The following SH3BP4 variants were observed in gnomAD, a reference collection of about 807,000 sequenced individuals.
SH3BP4 encodes the protein SH3 domain binding protein 4.
Under a neutral mutation model 65.5 loss-of-function variants are expected in SH3BP4, and 33 were observed. The observed-to-expected ratio is 0.50, with a 90% CI of 0.38 to 0.67. The LOEUF (loss-of-function observed/expected upper bound fraction) is 0.67, where lower values mean the gene tolerates loss of function less well. Among genes scored for constraint, SH3BP4 ranks in the 30% least tolerant of loss-of-function variants. The probability of loss-of-function intolerance (pLI) is 0.00; values close to 1 mark genes in which losing one functional copy is unlikely to be tolerated. For missense variants in SH3BP4, 1,134 were observed against 1,261.4 expected, an observed-to-expected ratio of 0.90 and a Z score of 1.53; for synonymous variants, 552 against 545.5, an observed-to-expected ratio of 1.01 and a Z score of -0.17.
chr2:235,008,262 GC>G (rs1694364968), intron 2 of SH3BP4, among the ~76,000 whole-genome samples: 1 of 152,170 alleles, frequency 6.6e-6, no homozygotes, highest in Non-Finnish European at 1.5e-5. Context: ...CCAGCCTGAA[GC>G]CCTGGGTTGG....
At chr2:235,017,650 T>C (rs886994434) in intron 2 of SH3BP4, among the ~76,000 whole-genome samples, 1 of 152,102 alleles carries the variant, frequency 6.6e-6, no homozygotes. Context: ...AGCATTGATA[T>C]TTCTGCACAC....
chr2:235,043,260 C>T lies in SH3BP4; in HGVS notation c.2478+13C>T. The T allele has an allele frequency of 6.5e-7, 1 of 1,546,866 alleles. No individual in the cohort carries two copies. Among genetic ancestry groups the T allele is most frequent in the Admixed American group, 1.9e-5 (1 of 52,116 alleles). On this transcript the variant is annotated intron_variant, in intron 4 of 5. Coordinates refer to ENST00000392011, the MANE Select transcript of SH3BP4 (RefSeq NM_014521.3). ...GGAGCTTGTGATGGTGAGTGCTCAG[C>T]AGGTGCCTGGGCGTTCAGGGGTGCT...
At chr2:235,012,344 C>T (rs1694536533) in intron 2 of SH3BP4, among the ~76,000 whole-genome samples, 1 of 152,238 alleles carries the variant, frequency 6.6e-6, no homozygotes, top group Non-Finnish European at 1.5e-5. Flanking sequence ...GACCAGGCTC[C>T]ACTTACACAG....
At chr2:234,985,245 C>T (rs1461775290) in intron 1 of SH3BP4, among the ~76,000 whole-genome samples, 2 of 152,286 alleles carry the variant, frequency 1.3e-5, no homozygotes, top group East Asian at 3.9e-4. Context: ...TGGCTGTCCC[C>T]TGGGAGTCAT....
Position 234,997,919 on chromosome 2 carries a change from A to G in SH3BP4, c.-133+2543A>G, listed in dbSNP as rs981200619. ...GGGCGGATCACGAGATCAGGAGATC[A>G]AGACCATCCTGTCTAACACGGTGAA... On this transcript the variant is annotated intron_variant, in intron 2 of 5. Transcript: ENST00000392011. This position sits in a 1 kb window ranked among gnomAD's most constrained non-coding sequence, Gnocchi z 4.2. 2.0e-5 allele frequency among the ~76,000 whole-genome samples: 3 copies of G among 152,106 alleles called. No homozygotes were observed. The highest frequency in any genetic ancestry group is 4.8e-5 in the African/African-American group (2 of 41,416).
At chr2:235,044,593 C>T (rs1283145278) in intron 4 of SH3BP4, among the ~76,000 whole-genome samples, 1 of 152,254 alleles carries the variant, frequency 6.6e-6, no homozygotes, top group Non-Finnish European at 1.5e-5. Context: ...TCTGAGCCCG[C>T]AGGCTTTCTT....
In SH3BP4 at chr2:235,052,448, C is replaced by T; in HGVS notation, c.2479-114C>T. On this transcript the variant is annotated intron_variant, in intron 4 of 5. Transcript: ENST00000392011. The surrounding 1 kb of genome is among the most constrained non-coding windows in gnomAD (Gnocchi z 5.0). ...GGACATTTGGTAGTAGGCCAGGGAA[C>T]ATGGAGAATAGAGAGCCCATGGCCA... The T allele has an allele frequency of 2.7e-6, 2 of 750,934 alleles. No individual in the cohort carries two copies. The highest frequency in any genetic ancestry group is 2.1e-6 in the Non-Finnish European group (1 of 482,670). 46.5% of individuals were successfully genotyped at this position (750,934 alleles called of 1,614,324 possible). A position where few individuals can be genotyped will look rare whatever the true frequency, so the allele number is the denominator to read the frequency against.
intron 1 of SH3BP4, among the ~76,000 whole-genome samples, chr2:234,969,098 A>G (rs931766782): frequency 6.6e-6 from 1 of 152,218 alleles, no homozygotes; most frequent in Non-Finnish European, 1.5e-5. Context: ...GTCTCAGCCC[A>G]GGGCTACTTC....
At chr2:235,031,200 G>C (rs1462060403) in intron 2 of SH3BP4, among the ~76,000 whole-genome samples, 1 of 152,116 alleles carries the variant, frequency 6.6e-6, no homozygotes, top group Non-Finnish European at 1.5e-5. Flanking sequence ...GGGAGAGGGT[G>C]GCAGAGTCCA....
intron 1 of SH3BP4, among the ~76,000 whole-genome samples, chr2:234,954,935 G>A (rs768551234): frequency 2.0e-5 from 3 of 152,312 alleles, no homozygotes; most frequent in African/African-American, 4.8e-5. Flanking sequence ...AGACCTCCCA[G>A]TTCCAGCCTC....
Position 235,041,514 on chromosome 2 carries a change from GAA to G in SH3BP4, c.746_747del (p.Glu249AlafsTer76). On this transcript the variant is annotated frameshift_variant, in exon 4 of 6. Transcript: ENST00000392011. LOFTEE classifies it high-confidence loss of function. The surrounding 1 kb of genome is among the most constrained non-coding windows in gnomAD (Gnocchi z 6.0). ...FRSKRSYSLS[E>X]LSVLQAKSDA... ...AAGCAAGCGCTCCTACAGTCTCTCG[GAA>G]CTCTCCGTCCTCCAAGCCAAGTCCG... The G allele has an allele frequency of 6.2e-7, 1 of 1,614,118 alleles. No homozygotes were observed. The highest frequency in any genetic ancestry group is 8.5e-7 in the Non-Finnish European group (1 of 1,180,040).
rs1692844461 is a variant in SH3BP4, at chr2:234,966,578, C to G, written c.-207+14408C>G. Among the ~76,000 whole-genome samples, 4 of 152,214 alleles carry G rather than the reference C, an allele frequency of 2.6e-5. No individual in the cohort carries two copies. In the South Asian group the frequency reaches 8.3e-4, roughly 32 times the overall value. On this transcript the variant is annotated intron_variant, in intron 1 of 5. Coordinates refer to ENST00000392011, the MANE Select transcript of SH3BP4 (RefSeq NM_014521.3). ...TGAACATAGCAAGTATCTGAAATACCACGCAGTAAATCTTGTGTGTGGCAC... is the reference window on the plus strand; with the variant it reads ...TGAACATAGCAAGTATCTGAAATACGACGCAGTAAATCTTGTGTGTGGCAC...
chr2:234,984,010 G>C (rs1297760312), intron 1 of SH3BP4, among the ~76,000 whole-genome samples: 3 of 152,234 alleles, frequency 2.0e-5, no homozygotes, highest in Non-Finnish European at 1.5e-5. Context: ...GCAGGGTTCT[G>C]CGGCTTTGAG....
intron 2 of SH3BP4, among the ~76,000 whole-genome samples, chr2:235,015,001 A>G (rs1694643782): frequency 6.6e-6 from 1 of 152,208 alleles, no homozygotes; most frequent in Non-Finnish European, 1.5e-5. Context: ...TTTCTGTGTT[A>G]TCCTTTAACC....
intron 2 of SH3BP4, among the ~76,000 whole-genome samples, chr2:235,001,847 A>C (rs1321653342): frequency 6.6e-6 from 1 of 152,060 alleles, no homozygotes. Context: ...AAGGAGGGTG[A>C]GGTGTTTTGT....
At chr2:235,001,629 G>T (rs1225415650) in intron 2 of SH3BP4, among the ~76,000 whole-genome samples, 1 of 152,136 alleles carries the variant, frequency 6.6e-6, no homozygotes, top group Non-Finnish European at 1.5e-5. Flanking sequence ...CATTGAATTT[G>T]GTCTTATTCT....
At chr2:234,999,109 C>T (rs1026676191) in intron 2 of SH3BP4, among the ~76,000 whole-genome samples, 13 of 152,332 alleles carry the variant, frequency 8.5e-5, no homozygotes, top group Admixed American at 4.6e-4. Flanking sequence ...AGGCCATCAG[C>T]TGCCGAAGGG....
Position 235,038,381 on chromosome 2 carries a change from AT to A in SH3BP4, c.119-2506del, listed in dbSNP as rs1329753844. Among the ~76,000 whole-genome samples the A allele has an allele frequency of 3.0e-3, 120 of 40,404 alleles. 8 individuals carry two copies. The highest frequency in any genetic ancestry group is 0.014 in the African/African-American group (111 of 7,750). The allele number at this position is 40,404 out of a possible 152,430, so 26.5% of individuals were successfully genotyped here. ...ATATATATATAATATATATACATATATATATATATATATATATATATATATA... is the reference window on the plus strand; with the variant it reads ...ATATATATATAATATATATACATATAATATATATATATATATATATATATA... On this transcript the variant is annotated intron_variant, in intron 3 of 5. Coordinates refer to ENST00000392011, the MANE Select transcript of SH3BP4 (RefSeq NM_014521.3).
chr2:234,996,988 G>A (rs1693942560), intron 2 of SH3BP4, among the ~76,000 whole-genome samples: 1 of 152,042 alleles, frequency 6.6e-6, no homozygotes, highest in Non-Finnish European at 1.5e-5. Context: ...TCTGGGAAGA[G>A]GAACGGGAGG....
Sources: gnomAD v4.1 joint callset for allele counts (sites outside exome capture counted in the v4.1 genomes callset) on GRCh38, gnomAD v4.1.1 for gene constraint, Gnocchi (gnomAD v3.1) non-coding constraint, MANE v1.5 for transcripts, NCBI Gene and HGNC (gene_info 2026-07-23, HGNC 2026-07-21) for gene names.